The following PLA2G4F variants were observed in gnomAD, a reference collection of about 807,000 sequenced individuals.
The protein encoded by PLA2G4F is phospholipase A2 group IVF.
In PLA2G4F, 105 loss-of-function variants were observed where a neutral mutation model predicts 103.1. The ratio of observed to expected loss-of-function variants is 1.02; its 90% CI spans 0.87 to 1.20. The LOEUF is 1.20. Among genes scored for constraint, PLA2G4F ranks in the 50% most tolerant of loss-of-function variants. The probability of loss-of-function intolerance (pLI) is 0.00; values close to 1 mark genes in which losing one functional copy is unlikely to be tolerated. For missense variants in PLA2G4F, 1,155 were observed against 1,075.9 expected (o/e 1.07, Z -1.03); for synonymous variants, 468 against 441.1 (o/e 1.06, Z -0.76).
chr15:42,144,492 G>T lies in PLA2G4F; in HGVS notation c.1933C>A (p.His645Asn). 1 of 1,612,344 alleles carries T rather than the reference G, an allele frequency of 6.2e-7. No homozygotes were observed. Among genetic ancestry groups the T allele is most frequent in the Non-Finnish European group, 8.5e-7 (1 of 1,180,022 alleles). ...SFNFTRGLCLHKDYVAGREFV... is the reference protein window; with the variant it reads ...SFNFTRGLCLNKDYVAGREFV... ...TCCCTGCCAGCCACATAGTCCTTGTGCAAGCAGAGACCCCGGGTGAAGTTA... is the reference window on the plus strand; with the variant it reads ...TCCCTGCCAGCCACATAGTCCTTGTTCAAGCAGAGACCCCGGGTGAAGTTA... Residue 645 changes from histidine to asparagine, a missense_variant, in exon 17 of 20, where the codon CAC becomes AAC. Transcript: ENST00000397272.
chr15:42,144,414 G>A, intron 17 of PLA2G4F, 36 bp downstream of exon 17: 1 of 1,606,278 alleles, frequency 6.2e-7, no homozygotes, highest in Non-Finnish European at 8.5e-7. Flanking sequence ...AGGCAGGAAG[G>A]GAAGCCCCCC....
At chr15:42,143,384 G>A (rs1054078942) in intron 18 of PLA2G4F, among the ~76,000 whole-genome samples, 13 of 152,010 alleles carry the variant, frequency 8.6e-5, no homozygotes, top group East Asian at 1.9e-4. Context: ...GTTGACATGC[G>A]ACAATCACAG....
chr15:42,147,036 A>T (rs1040923537), intron 13 of PLA2G4F, 88 bp downstream of exon 13: 14 of 1,288,624 alleles, frequency 1.1e-5, no homozygotes, highest in Non-Finnish European at 1.5e-5. Context: ...TGTAAATCAG[A>T]TCTTAGCCTG....
rs142852720 is a variant in PLA2G4F, at chr15:42,145,779, G to C, written c.1659C>G (p.Ile553Met). 2,348 of 1,614,124 alleles carry C rather than the reference G, an allele frequency of 1.5e-3. 29 individuals carry two copies. The African/African-American group carries it at 0.028, about 19-fold the overall frequency. Residue 553 changes from isoleucine to methionine, a missense_variant, in exon 15 of 20, where the codon ATC becomes ATG. By Grantham distance (10) the Ile-to-Met change is conservative. This residue lies in a region of PLA2G4F where 782 missense variants were observed against 692.9 expected (regional missense o/e 1.13). Coordinates refer to ENST00000397272, the MANE Select transcript of PLA2G4F (RefSeq NM_213600.4). The part of the protein sequence containing the change: ...RLLQLQPEPR[I>M]CYLQGMWGSA... ...GCCTCGACTCACCTTGCAGGTAACA[G>C]ATCCGGGGTTCAGGCTGGAGCTGCA...
At chr15:42,151,726 G>A (rs762254892) in intron 7 of PLA2G4F, 29 of 884,972 alleles carry the variant, frequency 3.3e-5, no homozygotes, top group Non-Finnish European at 3.7e-5. Context: ...CTGAGATGGA[G>A]ACGTGCTATT....
At position 42,147,198 on chromosome 15, in the gene PLA2G4F, G is replaced by A. The variant is rs148395091; in HGVS notation, c.1345C>T (p.Arg449Trp). The A allele has an allele frequency of 2.4e-5, 38 of 1,612,914 alleles. No homozygotes were observed. The South Asian group carries it at 2.5e-4, about 11-fold the overall frequency. ...LQYYTQELGVRERSGHSVSLI... is the reference protein window; with the variant it reads ...LQYYTQELGVWERSGHSVSLI... ...GACACGCTGTGGCCACTGCGCTCCC[G>A]GACCCCCAGTTCCTGAGTGTAGTAC... Residue 449 changes from arginine (R) to tryptophan (W), a missense_variant, in exon 13 of 20, where the codon CGG (arginine) becomes TGG (tryptophan). By Grantham distance (101) the Arg-to-Trp change is moderately radical. Around this residue, in one of 3 missense-constraint regions of PLA2G4F, gnomAD observed 782 missense variants for 692.9 expected, o/e 1.13. Transcript: ENST00000397272.
rs1223998183 is a variant in PLA2G4F at position 42,142,784 on chromosome 15, C to A, written c.2143-70G>T. Reference sequence around the variant, plus strand: ...CCACTCCCGCCGCCCTGGACTCACACACGCCCAGGCTTCAATGCCAGCTCT... The same window carrying A: ...CCACTCCCGCCGCCCTGGACTCACAAACGCCCAGGCTTCAATGCCAGCTCT... On this transcript the variant is annotated intron_variant, in intron 18 of 19. Transcript: ENST00000397272. 4.7e-6 allele frequency: 7 copies of A among 1,497,450 alleles called. No individual in the cohort carries two copies. In the Admixed American group the frequency reaches 1.2e-4, roughly 27 times the overall value. 92.8% of individuals were successfully genotyped at this position (1,497,450 alleles called of 1,614,324 possible). A position where few individuals can be genotyped will look rare whatever the true frequency, so the allele number is the denominator to read the frequency against.
At chr15:42,154,673 AG>A in intron 2 of PLA2G4F, 1 of 511,264 alleles carries the variant, frequency 2.0e-6, no homozygotes, top group Non-Finnish European at 3.3e-6. Flanking sequence ...ATCCTGCGGC[AG>A]CCAGTTGGAA....
intron 11 of PLA2G4F, chr15:42,149,449 T>C (rs2140809680): frequency 1.0e-6 from 1 of 966,668 alleles, no homozygotes; most frequent in Non-Finnish European, 1.2e-6. Context: ...TTCCAGCCCC[T>C]AGAACTGAGA....
chr15:42,154,259 G>A (rs1342085858), intron 3 of PLA2G4F, 39 bp from the exon 4 acceptor site: 1 of 1,613,560 alleles, frequency 6.2e-7, no homozygotes, highest in South Asian at 1.1e-5. Context: ...GCATGAGGTA[G>A]GACAGGAGGG....
Position 42,147,650 on chromosome 15 carries a change from A to G in PLA2G4F, c.1172T>C (p.Leu391Pro). The G allele has an allele frequency of 6.2e-7, 1 of 1,614,026 alleles. No homozygotes were observed. The highest frequency in any genetic ancestry group is 8.5e-7 in the Non-Finnish European group (1 of 1,179,974). Residue 391 changes from leucine (L) to proline (P), a missense_variant, in exon 12 of 20, where the codon CTG (leucine) becomes CCG (proline). Transcript: ENST00000397272. ...ELGLLDTVTY[L>P]SGVSGSTWCI... ...CCAGGTAGACCCAGAGACCCCACTC[A>G]GGTAGGTCACAGTGTCTAGAAGGCC...
At chr15:42,148,599 G>A (rs1295839224) in intron 11 of PLA2G4F, 2 of 980,590 alleles carry the variant, frequency 2.0e-6, no homozygotes, top group African/African-American at 3.5e-5. Context: ...GCGGTGGGGA[G>A]GAACTAAATT....
Position 42,147,569 on chromosome 15 carries a change from C to T in PLA2G4F, c.1196+57G>A, listed in dbSNP as rs2048906640. Reference sequence around the variant, plus strand: ...GGGACTCCTTAAGATCACCAGGTCACAACCCCACACTTTGTGGGGTCTCCT... The same window carrying T: ...GGGACTCCTTAAGATCACCAGGTCATAACCCCACACTTTGTGGGGTCTCCT... On this transcript the variant is annotated intron_variant, in intron 12 of 19. Transcript: ENST00000397272. The T allele has an allele frequency of 2.5e-6, 4 of 1,582,670 alleles. No homozygotes were observed. In the East Asian group the frequency reaches 9.0e-5, roughly 36 times the overall value.
intron 11 of PLA2G4F, chr15:42,148,605 A>G (rs2048918442): frequency 1.0e-6 from 1 of 983,638 alleles, no homozygotes; most frequent in Non-Finnish European, 1.2e-6. Flanking sequence ...GGGAGGAACT[A>G]AATTGTCCCC....
In PLA2G4F at chr15:42,147,133, C is replaced by T. The variant is rs370780639; in HGVS notation, c.1410G>A (p.Leu470=). The part of the protein sequence containing the change: ...DLWGLLVEYL[L]YQEENPAKLS... Reference sequence around the variant, plus strand: ...CTGGCTCTTCTCTCACCTCCTGGTACAGGAGATACTCAACAAGGAGGCCCC... The same window carrying T: ...CTGGCTCTTCTCTCACCTCCTGGTATAGGAGATACTCAACAAGGAGGCCCC... Residue 470 remains leucine (L), a synonymous_variant, in exon 13 of 20, where the codon CTG becomes CTA. Transcript: ENST00000397272. 15 of 1,612,234 alleles carry T rather than the reference C, an allele frequency of 9.3e-6. No individual in the cohort carries two copies. The highest frequency in any genetic ancestry group is 1.3e-5 in the Non-Finnish European group (15 of 1,179,850).
rs998695025 is a variant in PLA2G4F, at chr15:42,141,700, C to G, written c.*284G>C. 9.0e-6 allele frequency: 5 copies of G among 557,362 alleles called. No homozygotes were observed. The allele number at this position is 557,362 out of a possible 1,614,324, so 34.5% of individuals were successfully genotyped here. A position where few individuals can be genotyped will look rare whatever the true frequency, so the allele number is the denominator to read the frequency against. On this transcript the variant is annotated 3_prime_UTR_variant, in exon 20 of 20. Transcript: ENST00000397272. ...GGCTCTGTGGCTCACCTGATTCTCT[C>G]CACACCCCGCTGTGAAATGAGTGCT...
chr15:42,147,825 T>A, intron 11 of PLA2G4F, 63 bp from the exon 12 acceptor site: 1 of 1,595,482 alleles, frequency 6.3e-7, no homozygotes, highest in Non-Finnish European at 8.6e-7. Flanking sequence ...TATTACTGCC[T>A]ATACATGTAG....
chr15:42,154,208 G>A lies in PLA2G4F; in HGVS notation c.334C>T (p.Leu112Phe), dbSNP rs1449424579. ...IHGAVKNVLE[L>F]TLYDKDILGS... Reference sequence around the variant, plus strand: ...AGGATGTCCTTGTCATAGAGGGTGAGCTCCAGGACGTTCTGGGGACAAGGC... The same window carrying A: ...AGGATGTCCTTGTCATAGAGGGTGAACTCCAGGACGTTCTGGGGACAAGGC... The change falls in exon 4 of 20, where the codon CTC becomes TTC. Residue 112 changes from leucine (L) to phenylalanine (F), a missense_variant. Coordinates refer to ENST00000397272, the MANE Select transcript of PLA2G4F (RefSeq NM_213600.4). 1.2e-6 allele frequency: 2 copies of A among 1,614,090 alleles called. No homozygotes were observed. The highest frequency in any genetic ancestry group is 2.2e-5 in the South Asian group (2 of 91,090).
intron 12 of PLA2G4F, 124 bp downstream of exon 12, chr15:42,147,502 T>C: frequency 2.9e-6 from 4 of 1,398,202 alleles, no homozygotes; most frequent in Non-Finnish European, 3.9e-6. Flanking sequence ...AGCCTCTTCC[T>C]GCCCCTCCTA....
Sources: allele counts gnomAD v4.1 joint callset (sites outside exome capture counted in the v4.1 genomes callset), GRCh38; gene constraint gnomAD v4.1.1; regional missense constraint gnomAD v4.1.1; transcripts MANE v1.5; gene names NCBI Gene and HGNC (gene_info 2026-07-23, HGNC 2026-07-21).